The following CXCL16 variants were observed in gnomAD, a reference collection of about 807,000 sequenced individuals.
The protein encoded by CXCL16 is C-X-C motif chemokine ligand 16.
A neutral mutation model predicts 23.8 loss-of-function variants in CXCL16; 18 were observed. The observed-to-expected ratio is 0.76, with a 90% CI of 0.52 to 1.12. The LOEUF is 1.12. Among genes scored for constraint, CXCL16 ranks in the 50% most tolerant of loss-of-function variants. The pLI, the probability that CXCL16 is intolerant of heterozygous loss-of-function variation, is 0.00. For missense variants in CXCL16, 297 were observed against 315.4 expected (o/e 0.94, Z 0.44); for synonymous variants, 123 against 132.5 (o/e 0.93, Z 0.49).
chr17:4,737,575 TAAAA>T (rs55694753), intron 3 of CXCL16, among the ~76,000 whole-genome samples: 1 of 42,030 alleles, frequency 2.4e-5, no homozygotes, highest in South Asian at 1.3e-3. Context: ...AAGACTCCAT[TAAAA>T]AAAAAAAAAA....
chr17:4,736,498 A>T (rs1778262620), intron 3 of CXCL16: 2 of 152,346 alleles, frequency 1.3e-5, no homozygotes, highest in Admixed American at 6.5e-5. Flanking sequence ...CCAGGGTTGG[A>T]TTCCAAGCTC....
Position 4,735,231 on chromosome 17 carries a change from T to C in CXCL16, c.579A>G (p.Glu193=). Residue 193 remains glutamate (E), a synonymous_variant, in exon 4 of 6, where the codon GAA becomes GAG. Coordinates refer to ENST00000293778, the MANE Select transcript of CXCL16 (RefSeq NM_001386809.1). ...PEAGENQKQP[E]KNAGPTARTS... is the part of the protein sequence containing the mutation. ...TCCTGGCTGTGGGACCAGCATTTTTTTCCGGCTGCTTCTGGTTCTCCCCAG... is the reference window on the plus strand; with the variant it reads ...TCCTGGCTGTGGGACCAGCATTTTTCTCCGGCTGCTTCTGGTTCTCCCCAG... 1.9e-6 allele frequency: 3 copies of C among 1,614,160 alleles called. No homozygotes were observed. The Middle Eastern group carries it at 4.9e-4, about 266-fold the overall frequency.
chr17:4,734,487 A>C lies in CXCL16; in HGVS notation c.*24-8T>G, dbSNP rs901385000. On this transcript the variant is annotated splice_polypyrimidine_tract_variant and splice_region_variant and intron_variant, in intron 5 of 5. Transcript: ENST00000293778. ...GCAACATAGAGTCCGTCTCTAAAAA[A>C]CAAAAAACAAAAACAAGTATGTATA... The C allele has an allele frequency of 3.8e-6, 3 of 794,952 alleles. No homozygotes were observed. The African/African-American group carries it at 5.2e-5, about 14-fold the overall frequency. 49.2% of individuals were successfully genotyped at this position (794,952 alleles called of 1,614,324 possible).
At chr17:4,735,632 CT>C (rs1326087590) in intron 3 of CXCL16, 124 bp from the exon 4 acceptor site, 1 of 559,244 alleles carries the variant, frequency 1.8e-6, no homozygotes, top group Non-Finnish European at 2.8e-6. Flanking sequence ...GCTGATACCC[CT>C]ATAAATAAAA....
In CXCL16 at chr17:4,738,663, A is replaced by C; in HGVS notation, c.218+119T>G. Reference sequence around the variant, plus strand: ...GTTTCGGGGAATGAGAGCAAACGGAACCCGGAGATGGGGCTCGGTGAGCCG... The same window carrying C: ...GTTTCGGGGAATGAGAGCAAACGGACCCCGGAGATGGGGCTCGGTGAGCCG... On this transcript the variant is annotated intron_variant, in intron 2 of 5. Transcript: ENST00000293778. The surrounding 1 kb of genome is among the most constrained non-coding windows in gnomAD (Gnocchi z 4.0). 1 of 1,164,470 alleles carries C rather than the reference A, an allele frequency of 8.6e-7. No individual in the cohort carries two copies. Among genetic ancestry groups the C allele is most frequent in the South Asian group, 1.5e-5 (1 of 68,352 alleles). The allele number at this position is 1,164,470 out of a possible 1,614,324, so 72.1% of individuals were successfully genotyped here. A position where few individuals can be genotyped will look rare whatever the true frequency, so the allele number is the denominator to read the frequency against.
In CXCL16 at chr17:4,738,353, G is replaced by T; in HGVS notation, c.301+55C>A. On this transcript the variant is annotated intron_variant, in intron 3 of 5. Coordinates refer to ENST00000293778, the MANE Select transcript of CXCL16 (RefSeq NM_001386809.1). This position sits in a 1 kb window ranked among gnomAD's most constrained non-coding sequence, Gnocchi z 4.0. ...AGGCTCAGGTAAAGAAAACTGTCAGGTGGAAGCTGCTAAGCCCTGGAGGCA... is the reference window on the plus strand; with the variant it reads ...AGGCTCAGGTAAAGAAAACTGTCAGTTGGAAGCTGCTAAGCCCTGGAGGCA... 7.2e-7 allele frequency: 1 copy of T among 1,385,162 alleles called. No individual in the cohort carries two copies. Among genetic ancestry groups the T allele is most frequent in the Non-Finnish European group, 1.0e-6 (1 of 972,042 alleles). 85.8% of individuals were successfully genotyped at this position (1,385,162 alleles called of 1,614,324 possible). A position where few individuals can be genotyped will look rare whatever the true frequency, so the allele number is the denominator to read the frequency against.
At position 4,738,650 on chromosome 17, in the gene CXCL16, G is replaced by T. The variant is rs1286379588; in HGVS notation, c.218+132C>A. ...ACGGAGTCATGAAGTTTCGGGGAAT[G>T]AGAGCAAACGGAACCCGGAGATGGG... On this transcript the variant is annotated intron_variant, in intron 2 of 5. Transcript: ENST00000293778. This position sits in a 1 kb window ranked among gnomAD's most constrained non-coding sequence, Gnocchi z 4.0. 35 of 1,087,804 alleles carry T rather than the reference G, an allele frequency of 3.2e-5. No homozygotes were observed. In the Admixed American group the frequency reaches 8.2e-4, roughly 25 times the overall value. 67.4% of individuals were successfully genotyped at this position (1,087,804 alleles called of 1,614,324 possible). A position where few individuals can be genotyped will look rare whatever the true frequency, so the allele number is the denominator to read the frequency against.
chr17:4,735,593 T>C (rs894464383), intron 3 of CXCL16, 85 bp from the exon 4 acceptor site: 4 of 1,141,564 alleles, frequency 3.5e-6, no homozygotes, highest in Non-Finnish European at 3.6e-6. Flanking sequence ...AAAAGTAATA[T>C]CTTTTCCTCA....
intron 3 of CXCL16, among the ~76,000 whole-genome samples, chr17:4,737,260 A>C (rs745475703): frequency 4.6e-5 from 7 of 152,248 alleles, no homozygotes; most frequent in Middle Eastern, 3.4e-3. Context: ...GATGAAGTGC[A>C]ATGATGTCCA....
Position 4,739,920 on chromosome 17 carries a change from G to T in CXCL16, c.-581C>A. On this transcript the variant is annotated 5_prime_UTR_variant, in exon 1 of 6. Transcript: ENST00000293778. The surrounding 1 kb of genome is among the most constrained non-coding windows in gnomAD (Gnocchi z 5.3). The stretch of plus-strand genomic sequence containing the variant: ...GCGCACCTGCGGGGCAGCCACCCGC[G>T]GACGCACCGAGCCCGGGGGGCGTGG... 3 of 985,318 alleles carry T rather than the reference G, an allele frequency of 3.0e-6. No individual in the cohort carries two copies. Among genetic ancestry groups the T allele is most frequent in the Non-Finnish European group, 3.6e-6 (3 of 829,994 alleles). The allele number at this position is 985,318 out of a possible 1,614,324, so 61.0% of individuals were successfully genotyped here.
At position 4,739,556 on chromosome 17, in the gene CXCL16, G is replaced by A; in HGVS notation, c.-217C>T. On this transcript the variant is annotated 5_prime_UTR_variant, in exon 1 of 6. Transcript: ENST00000293778. This position sits in a 1 kb window ranked among gnomAD's most constrained non-coding sequence, Gnocchi z 5.3. ...GCCCGCGCCATGCCAGCCTCTGGAC[G>A]CAGGGAAAGCCGAGGAGGTGGAGCT... 1 of 714,292 alleles carries A rather than the reference G, an allele frequency of 1.4e-6. No homozygotes were observed. The highest frequency in any genetic ancestry group is 2.2e-6 in the Non-Finnish European group (1 of 460,624). The allele number at this position is 714,292 out of a possible 1,614,324, so 44.2% of individuals were successfully genotyped here.
In CXCL16 at chr17:4,738,915, C is replaced by T. The variant is rs1916249839; in HGVS notation, c.85G>A (p.Gly29Ser). The T allele has an allele frequency of 6.2e-7, 1 of 1,613,738 alleles. No homozygotes were observed. The highest frequency in any genetic ancestry group is 8.5e-7 in the Non-Finnish European group (1 of 1,179,874). The change falls in exon 2 of 6, where the codon GGC (glycine) becomes AGC (serine). Residue 29 changes from glycine to serine, a missense_variant. Physicochemically the swap from Gly to Ser is moderately conservative, Grantham distance 56. Coordinates refer to ENST00000293778, the MANE Select transcript of CXCL16 (RefSeq NM_001386809.1). The surrounding 1 kb of genome is among the most constrained non-coding windows in gnomAD (Gnocchi z 4.0). ...CTTCCAGTGACGCTGCCCTCGTTGC[C>T]ATTGCCTGCGCGGGACGGAGGTGGT... The part of the protein sequence containing the change: ...LLVYLTQPGN[G>S]NEGSVTGSCY...
At position 4,738,056 on chromosome 17, in the gene CXCL16, G is replaced by C. The variant is rs1916212269; in HGVS notation, c.301+352C>G. 6.9e-5 allele frequency among the ~76,000 whole-genome samples: 8 copies of C among 116,284 alleles called. No homozygotes were observed. The Admixed American group carries it at 8.0e-4, about 12-fold the overall frequency. The allele number at this position is 116,284 out of a possible 152,430, so 76.3% of individuals were successfully genotyped here. A position where few individuals can be genotyped will look rare whatever the true frequency, so the allele number is the denominator to read the frequency against. On this transcript the variant is annotated intron_variant, in intron 3 of 5. Coordinates refer to ENST00000293778, the MANE Select transcript of CXCL16 (RefSeq NM_001386809.1). The surrounding 1 kb of genome is among the most constrained non-coding windows in gnomAD (Gnocchi z 4.0). ...GAGGCAGGAGAATCTCTTGAACCTG[G>C]GAGGCAGAGGTTGCAGTGAGCCAAG...
Position 4,738,978 on chromosome 17 carries a change from G to C in CXCL16, c.80-58C>G. ...CCAGGCCCAGGGTCCCCACTCCGCT[G>C]TTCCCTGGCATCCAATCCACAGCCC... On this transcript the variant is annotated intron_variant, in intron 1 of 5. Coordinates refer to ENST00000293778, the MANE Select transcript of CXCL16 (RefSeq NM_001386809.1). The surrounding 1 kb of genome is among the most constrained non-coding windows in gnomAD (Gnocchi z 4.0). 6.3e-7 allele frequency: 1 copy of C among 1,586,902 alleles called. No individual in the cohort carries two copies. The highest frequency in any genetic ancestry group is 8.6e-7 in the Non-Finnish European group (1 of 1,166,574).
chr17:4,734,365 G>A lies in CXCL16; in HGVS notation c.*138C>T, dbSNP rs927454314. 7.6e-5 allele frequency: 33 copies of A among 432,652 alleles called. No homozygotes were observed. Among genetic ancestry groups the A allele is most frequent in the African/African-American group, 5.4e-4 (27 of 49,860 alleles). The allele number at this position is 432,652 out of a possible 1,614,324, so 26.8% of individuals were successfully genotyped here. A position where few individuals can be genotyped will look rare whatever the true frequency, so the allele number is the denominator to read the frequency against. On this transcript the variant is annotated 3_prime_UTR_variant, in exon 6 of 6. Coordinates refer to ENST00000293778, the MANE Select transcript of CXCL16 (RefSeq NM_001386809.1). ...TCCTATGTTAGATATTAACAAATACGTGTAGGCTGGATGTGGTAGGTGACG... is the reference window on the plus strand; with the variant it reads ...TCCTATGTTAGATATTAACAAATACATGTAGGCTGGATGTGGTAGGTGACG...
rs762442942 is a variant in CXCL16, at chr17:4,738,925, G to T, written c.80-5C>A. ...CGCTGCCCTCGTTGCCATTGCCTGC[G>T]CGGGACGGAGGTGGTCGGCACCCAT... On this transcript the variant is annotated splice_polypyrimidine_tract_variant and splice_region_variant and intron_variant, in intron 1 of 5. Coordinates refer to ENST00000293778, the MANE Select transcript of CXCL16 (RefSeq NM_001386809.1). The surrounding 1 kb of genome is among the most constrained non-coding windows in gnomAD (Gnocchi z 4.0). 2 of 1,613,284 alleles carry T rather than the reference G, an allele frequency of 1.2e-6. No homozygotes were observed. Among genetic ancestry groups the T allele is most frequent in the Admixed American group, 1.7e-5 (1 of 59,952 alleles).
Position 4,738,904 on chromosome 17 carries a change from G to A in CXCL16, c.96C>T (p.Gly32=). 2 of 1,613,996 alleles carry A rather than the reference G, an allele frequency of 1.2e-6. No homozygotes were observed. Among genetic ancestry groups the A allele is most frequent in the African/African-American group, 2.7e-5 (2 of 75,020 alleles). ...CACAATAACAACTTCCAGTGACGCT[G>A]CCCTCGTTGCCATTGCCTGCGCGGG... ...YLTQPGNGNE[G]SVTGSCYCGK... is the part of the protein sequence containing the mutation. The change falls in exon 2 of 6, where the codon GGC becomes GGT. Residue 32 remains glycine (G), a synonymous_variant. Coordinates refer to ENST00000293778, the MANE Select transcript of CXCL16 (RefSeq NM_001386809.1). This position sits in a 1 kb window ranked among gnomAD's most constrained non-coding sequence, Gnocchi z 4.0.
intron 3 of CXCL16, among the ~76,000 whole-genome samples, chr17:4,736,070 C>CAA (rs943344233): frequency 2.0e-5 from 2 of 98,304 alleles, no homozygotes; most frequent in South Asian, 3.9e-4. Context: ...AACTCCATCT[C>CAA]AAAAAAAAAA....
Position 4,738,392 on chromosome 17 carries a change from A to C in CXCL16, c.301+16T>G. On this transcript the variant is annotated intron_variant, in intron 3 of 5. Coordinates refer to ENST00000293778, the MANE Select transcript of CXCL16 (RefSeq NM_001386809.1). The surrounding 1 kb of genome is among the most constrained non-coding windows in gnomAD (Gnocchi z 4.0). ...GCCCTGGAGGCAGAGCCTGAAGAGC[A>C]GTGGAAAAGTCTCACCTTTGAGATC... 6.2e-7 allele frequency: 1 copy of C among 1,603,902 alleles called. No homozygotes were observed. Among genetic ancestry groups the C allele is most frequent in the Non-Finnish European group, 8.5e-7 (1 of 1,170,588 alleles).
Sources: gnomAD v4.1 joint callset for allele counts (sites outside exome capture counted in the v4.1 genomes callset) on GRCh38, gnomAD v4.1.1 for gene constraint, Gnocchi (gnomAD v3.1) non-coding constraint, MANE v1.5 for transcripts, NCBI Gene and HGNC (gene_info 2026-07-23, HGNC 2026-07-21) for gene names.